The following DSE variants were observed in gnomAD, a reference collection of about 807,000 sequenced individuals.
DSE encodes dermatan sulfate epimerase.
Under a neutral mutation model 84.4 loss-of-function variants are expected in DSE, and 36 were observed. That is an observed-to-expected ratio of 0.43 (90% CI 0.33 to 0.56). DSE has a LOEUF of 0.56. Ranked by LOEUF, DSE falls within the 20% of genes least tolerant of loss-of-function variation. The pLI is 0.06. For missense variants in DSE, 862 were observed against 1,169.6 expected, an observed-to-expected ratio of 0.74 and a Z score of 3.84; for synonymous variants, 410 against 430.1, an observed-to-expected ratio of 0.95 and a Z score of 0.58.
At chr6:116,324,412 A>G (rs1165860596) in intron 2 of DSE, among the ~76,000 whole-genome samples, 1 of 152,228 alleles carries the variant, frequency 6.6e-6, no homozygotes, top group Non-Finnish European at 1.5e-5. Context: ...ATTATTGACA[A>G]GAATATGAGT....
chr6:116,385,133 A>C (rs1444634843), intron 1 of DSE, among the ~76,000 whole-genome samples: 1 of 152,162 alleles, frequency 6.6e-6, no homozygotes, highest in African/African-American at 2.4e-5. Flanking sequence ...TGTATACAGG[A>C]ATAATAGAGG....
chr6:116,279,966 C>G (rs769807516), intron 2 of DSE: 3 of 1,283,782 alleles, frequency 2.3e-6, no homozygotes, highest in Non-Finnish European at 3.4e-6. Context: ...GACTGGAGAT[C>G]TCACGGTATC....
At chr6:116,352,070 TC>T (rs1432831864) in intron 2 of DSE, among the ~76,000 whole-genome samples, 1 of 152,234 alleles carries the variant, frequency 6.6e-6, no homozygotes, top group Non-Finnish European at 1.5e-5. Context: ...AAAGCTCATT[TC>T]AGTCTCTGCT....
intron 2 of DSE, among the ~76,000 whole-genome samples, chr6:116,298,855 A>C (rs376488876): frequency 3.9e-5 from 6 of 152,338 alleles, no homozygotes; most frequent in Admixed American, 3.9e-4. Flanking sequence ...ATCCTCTTCT[A>C]CACTAGCCAT....
rs2115100894 is a variant in DSE at position 116,437,529 on chromosome 6, A to G, written c.*184A>G. On this transcript the variant is annotated 3_prime_UTR_variant, in exon 6 of 6. Transcript: ENST00000644252. ...TTGGAGCAGGAAAAGAAATTATCAAAGCAATAGAAATAGCTTGGTGGTCCT... is the reference window on the plus strand; with the variant it reads ...TTGGAGCAGGAAAAGAAATTATCAAGGCAATAGAAATAGCTTGGTGGTCCT... 1 of 604,728 alleles carries G rather than the reference A, an allele frequency of 1.7e-6. No individual in the cohort carries two copies. The highest frequency in any genetic ancestry group is 2.5e-5 in the South Asian group (1 of 40,506). 37.5% of individuals were successfully genotyped at this position (604,728 alleles called of 1,614,324 possible). A position where few individuals can be genotyped will look rare whatever the true frequency, so the allele number is the denominator to read the frequency against.
chr6:116,306,052 G>C (rs1282555184), intron 2 of DSE, among the ~76,000 whole-genome samples: 3 of 152,008 alleles, frequency 2.0e-5, no homozygotes, highest in African/African-American at 7.2e-5. Context: ...ATGTACATGT[G>C]AGTATGTGTA....
intron 2 of DSE, among the ~76,000 whole-genome samples, chr6:116,289,261 T>G (rs761943169): frequency 1.7e-4 from 26 of 151,912 alleles, no homozygotes; most frequent in Non-Finnish European, 2.4e-4. Flanking sequence ...AAAAGAAAAT[T>G]TAAAAATAAT....
chr6:116,384,975 T>C (rs777665045), intron 1 of DSE, among the ~76,000 whole-genome samples: 4 of 152,154 alleles, frequency 2.6e-5, no homozygotes, highest in Non-Finnish European at 5.9e-5. Flanking sequence ...GTCATTTAAA[T>C]AAGGTAGTCA....
At chr6:116,419,174 G>A (rs1222400001) in intron 2 of DSE, among the ~76,000 whole-genome samples, 1 of 152,130 alleles carries the variant, frequency 6.6e-6, no homozygotes, top group Non-Finnish European at 1.5e-5. Context: ...GCTTAATCTG[G>A]TCCTCTTGGC....
chr6:116,437,216 G>T lies in DSE; in HGVS notation c.2748G>T (p.Leu916Phe). The T allele has an allele frequency of 1.9e-6, 3 of 1,614,044 alleles. No homozygotes were observed. Among genetic ancestry groups the T allele is most frequent in the Non-Finnish European group, 2.5e-6 (3 of 1,179,994 alleles). Residue 916 changes from leucine to phenylalanine, a missense_variant, in exon 6 of 6, where the codon TTG becomes TTT. Around this residue, in one of 4 missense-constraint regions of DSE, gnomAD observed 315 missense variants for 348.1 expected, o/e 0.90. Transcript: ENST00000644252. Reference sequence around the variant, plus strand: ...ACATTGCTATTTTCTTTGTCATGTTGGCAATGCAACTGACTTATTTCCAGA... The same window carrying T: ...ACATTGCTATTTTCTTTGTCATGTTTGCAATGCAACTGACTTATTTCCAGA... ...ILNIAIFFVM[L>F]AMQLTYFQRA...
chr6:116,279,787 G>T, intron 2 of DSE: 1 of 1,612,900 alleles, frequency 6.2e-7, no homozygotes, highest in Non-Finnish European at 8.5e-7. Flanking sequence ...GATGCTGTGG[G>T]TTTGGAGGGG....
intron 2 of DSE, chr6:116,401,161 G>A (rs1316926747): frequency 6.6e-6 from 1 of 152,106 alleles, no homozygotes; most frequent in Non-Finnish European, 1.5e-5. Flanking sequence ...TACAAGACTA[G>A]TACAGTTTTC....
intron 2 of DSE, among the ~76,000 whole-genome samples, chr6:116,287,538 G>A (rs1322918928): frequency 6.6e-6 from 1 of 151,974 alleles, no homozygotes; most frequent in Non-Finnish European, 1.5e-5. Context: ...CAAATTAGAT[G>A]AAATACCATA....
intron 2 of DSE, among the ~76,000 whole-genome samples, chr6:116,265,570 C>A (rs1772587792): frequency 6.6e-6 from 1 of 152,074 alleles, no homozygotes; most frequent in African/African-American, 2.4e-5. Flanking sequence ...CAGGCTGGCA[C>A]ATGGCTGTAG....
At chr6:116,421,459 ATATATTTT>A (rs1783078723) in intron 2 of DSE, among the ~76,000 whole-genome samples, 1 of 76,428 alleles carries the variant, frequency 1.3e-5, no homozygotes, top group Admixed American at 1.4e-4. Flanking sequence ...ATATATATAT[ATATATTTT>A]TTTTTTTTTT....
chr6:116,397,486 C>T (rs1781334271), intron 1 of DSE, among the ~76,000 whole-genome samples: 1 of 152,142 alleles, frequency 6.6e-6, no homozygotes, highest in Non-Finnish European at 1.5e-5. Flanking sequence ...GGATTACAGG[C>T]ATGAGCCACC....
intron 2 of DSE, among the ~76,000 whole-genome samples, chr6:116,358,295 A>C (rs1476096600): frequency 6.6e-6 from 1 of 152,220 alleles, no homozygotes; most frequent in African/African-American, 2.4e-5. Flanking sequence ...ATAAATGAAA[A>C]TGTCATGTTT....
chr6:116,325,813 G>A (rs1042170547), intron 2 of DSE, among the ~76,000 whole-genome samples: 1 of 152,192 alleles, frequency 6.6e-6, no homozygotes, highest in Non-Finnish European at 1.5e-5. Context: ...GAAGGGGTTT[G>A]TTCAGCCGGG....
chr6:116,270,176 A>G (rs1045843950), intron 2 of DSE, among the ~76,000 whole-genome samples: 3 of 152,128 alleles, frequency 2.0e-5, no homozygotes, highest in Admixed American at 6.5e-5. Flanking sequence ...AGCAAGCCCC[A>G]CTCTTGCCTA....
Sources: allele counts gnomAD v4.1 joint callset (sites outside exome capture counted in the v4.1 genomes callset), GRCh38; gene constraint gnomAD v4.1.1; regional missense constraint gnomAD v4.1.1; transcripts MANE v1.5; gene names NCBI Gene and HGNC (gene_info 2026-07-23, HGNC 2026-07-21).